Variants in BCAT1 observed in about 807,000 individuals in gnomAD.
BCAT1 encodes branched-chain-amino-acid aminotransferase, cytosolic.
Under a neutral mutation model 52.4 loss-of-function variants are expected in BCAT1, and 48 were observed. The ratio of observed to expected loss-of-function variants is 0.92; its 90% CI spans 0.73 to 1.16. The LOEUF (loss-of-function observed/expected upper bound fraction) is 1.16. Among genes scored for constraint, BCAT1 ranks in the 50% most tolerant of loss-of-function variants. BCAT1 has a pLI of 0.00. For missense variants in BCAT1, 451 were observed against 457.1 expected (o/e 0.99, Z 0.12); for synonymous variants, 167 against 161.3 (o/e 1.04, Z -0.27).
intron 3 of BCAT1, among the ~76,000 whole-genome samples, chr12:24,890,212 T>C (rs150133185): frequency 1.6e-4 from 24 of 152,290 alleles, no homozygotes; most frequent in East Asian, 7.7e-4. Context: ...ACAGGACTTG[T>C]GACTTGTGTC....
chr12:24,869,998 G>A (rs112749124), intron 5 of BCAT1, among the ~76,000 whole-genome samples: 22 of 140,846 alleles, frequency 1.6e-4, no homozygotes, highest in Admixed American at 5.0e-4. Flanking sequence ...GTGTGTGTGT[G>A]TATATATGTG....
intron 10 of BCAT1, among the ~76,000 whole-genome samples, chr12:24,821,785 A>G (rs910539402): frequency 6.6e-6 from 1 of 152,218 alleles, no homozygotes; most frequent in African/African-American, 2.4e-5. Flanking sequence ...TAAAGGCCTT[A>G]CGGGATCATC....
chr12:24,939,378 T>C (rs1404954522), intron 1 of BCAT1, among the ~76,000 whole-genome samples: 1 of 152,204 alleles, frequency 6.6e-6, no homozygotes, highest in Non-Finnish European at 1.5e-5. Flanking sequence ...AAGAAAAGTT[T>C]AGACACTCTT....
intron 1 of BCAT1, among the ~76,000 whole-genome samples, chr12:24,912,156 A>G (rs1184489265): frequency 6.6e-6 from 1 of 152,226 alleles, no homozygotes; most frequent in Non-Finnish European, 1.5e-5. Flanking sequence ...CATTATTTAT[A>G]GTAGAATCCA....
chr12:24,855,301 G>A (rs1231004811), intron 5 of BCAT1, among the ~76,000 whole-genome samples: 3 of 143,940 alleles, frequency 2.1e-5, no homozygotes, highest in African/African-American at 8.0e-5. Flanking sequence ...CTCCGCAGGA[G>A]CAGTTAAAAA....
intron 3 of BCAT1, among the ~76,000 whole-genome samples, chr12:24,887,984 G>A (rs550546985): frequency 1.3e-5 from 2 of 152,244 alleles, no homozygotes; most frequent in Non-Finnish European, 2.9e-5. Flanking sequence ...CATGTTCAAG[G>A]ATATTACTCC....
In BCAT1 at chr12:24,887,081, AT is replaced by A. The variant is rs1272967188; in HGVS notation, c.280-5671del. 7.0e-3 allele frequency among the ~76,000 whole-genome samples: 300 copies of A among 42,782 alleles called. 7 individuals carry two copies. Among genetic ancestry groups the A allele is most frequent in the Non-Finnish European group, 8.6e-3 (165 of 19,230 alleles). 28.1% of individuals were successfully genotyped at this position (42,782 alleles called of 152,430 possible). A position where few individuals can be genotyped will look rare whatever the true frequency, so the allele number is the denominator to read the frequency against. On this transcript the variant is annotated intron_variant, in intron 3 of 10. Transcript: ENST00000261192. ...CTAGCTAAAAAAAAAAAAAAAAAAAATATATATATATATATATATATATATA... is the reference window on the plus strand; with the variant it reads ...CTAGCTAAAAAAAAAAAAAAAAAAAAATATATATATATATATATATATATA...
At chr12:24,939,316 A>C (rs1381213698) in intron 1 of BCAT1, among the ~76,000 whole-genome samples, 1 of 152,190 alleles carries the variant, frequency 6.6e-6, no homozygotes, top group African/African-American at 2.4e-5. Flanking sequence ...AATTAAGTAA[A>C]ACTTAGCCAT....
Position 24,817,957 on chromosome 12 carries a change from G to A in BCAT1, c.*51C>T, listed in dbSNP as rs1939943257. ...AATTCAAATGCAACAGTCTGTCCCA[G>A]TAGCATACAGTTGGTATCCTCTATT... On this transcript the variant is annotated 3_prime_UTR_variant, in exon 11 of 11. Transcript: ENST00000261192. 4.5e-6 allele frequency: 7 copies of A among 1,571,004 alleles called. No homozygotes were observed. The highest frequency in any genetic ancestry group is 5.3e-6 in the Non-Finnish European group (6 of 1,142,108).
intron 10 of BCAT1, among the ~76,000 whole-genome samples, chr12:24,819,663 C>A (rs1445580003): frequency 1.3e-5 from 2 of 152,128 alleles, no homozygotes; most frequent in Non-Finnish European, 2.9e-5. Context: ...TCCTATATCA[C>A]AATGTACATG....
At chr12:24,838,059 G>C (rs948908513) in intron 7 of BCAT1, among the ~76,000 whole-genome samples, 2 of 152,002 alleles carry the variant, frequency 1.3e-5, no homozygotes, top group African/African-American at 2.4e-5. Flanking sequence ...TGACACCCAG[G>C]AGTCTGAATC....
At chr12:24,873,001 C>G (rs570527300) in intron 5 of BCAT1, among the ~76,000 whole-genome samples, 1 of 152,308 alleles carries the variant, frequency 6.6e-6, no homozygotes, top group South Asian at 2.1e-4. Context: ...CTACACTTAC[C>G]AGAATCCCCG....
chr12:24,886,888 C>T (rs1044409590), intron 3 of BCAT1, among the ~76,000 whole-genome samples: 2 of 145,010 alleles, frequency 1.4e-5, no homozygotes, highest in African/African-American at 5.1e-5. Context: ...CATGGTGAAA[C>T]CCAGTCTCTA....
At chr12:24,827,519 C>T (rs186851531) in intron 10 of BCAT1, among the ~76,000 whole-genome samples, 12 of 152,288 alleles carry the variant, frequency 7.9e-5, no homozygotes, top group African/African-American at 1.9e-4. Context: ...GGCCAGGGTG[C>T]GGTGGCTCAT....
At chr12:24,867,239 A>G (rs1942046425) in intron 5 of BCAT1, among the ~76,000 whole-genome samples, 1 of 151,802 alleles carries the variant, frequency 6.6e-6, no homozygotes, top group Admixed American at 6.6e-5. Flanking sequence ...GAACTGTAAC[A>G]CTTACCGCGA....
chr12:24,878,017 G>A (rs988273164), intron 5 of BCAT1, among the ~76,000 whole-genome samples: 1 of 152,024 alleles, frequency 6.6e-6, no homozygotes, highest in Admixed American at 6.6e-5. Context: ...AGCTAGGCAT[G>A]GTAGCACATG....
At chr12:24,904,507 T>C (rs1016772588) in intron 1 of BCAT1, 5 of 152,388 alleles carry the variant, frequency 3.3e-5, no homozygotes, top group African/African-American at 9.6e-5. Flanking sequence ...CCGGCCTCCA[T>C]CTGTATTAAC....
intron 5 of BCAT1, among the ~76,000 whole-genome samples, chr12:24,860,949 C>A (rs952902458): frequency 6.6e-6 from 1 of 152,134 alleles, no homozygotes; most frequent in Non-Finnish European, 1.5e-5. Context: ...TTTTAAAAAG[C>A]CTACGTGGCA....
intron 1 of BCAT1, among the ~76,000 whole-genome samples, chr12:24,905,534 A>G (rs1943211379): frequency 6.6e-6 from 1 of 152,244 alleles, no homozygotes. Context: ...GGGCCCATGG[A>G]ATCAGAATCA....
Sources: allele counts gnomAD v4.1 joint callset (sites outside exome capture counted in the v4.1 genomes callset), GRCh38; gene constraint gnomAD v4.1.1; transcripts MANE v1.5; gene names NCBI Gene and HGNC (gene_info 2026-07-23, HGNC 2026-07-21).